Variants in DZIP1L observed in about 807,000 individuals in gnomAD.
DZIP1L encodes the protein DAZ interacting zinc finger protein 1 like.
Under a neutral mutation model 88.7 loss-of-function variants are expected in DZIP1L, and 90 were observed. The observed-to-expected ratio is 1.02, with a 90% CI of 0.86 to 1.21. The LOEUF is 1.21. DZIP1L is among the 50% of genes most tolerant of loss of function. The probability of loss-of-function intolerance (pLI) is 0.00; values close to 1 mark genes in which losing one functional copy is unlikely to be tolerated. For synonymous variants in DZIP1L, 363 were observed against 372.1 expected (o/e 0.98, Z 0.28); for missense variants, 932 against 955.8 (o/e 0.98, Z 0.33).
At chr3:138,106,127 C>CTTTTTTTTT (rs56146259) in intron 1 of DZIP1L, among the ~76,000 whole-genome samples, 21 of 64,534 alleles carry the variant, frequency 3.3e-4, no homozygotes, top group Non-Finnish European at 3.9e-4. Flanking sequence ...AGTCTTCTTT[C>CTTTTTTTTT]TTTTTTTTTT....
intron 1 of DZIP1L, among the ~76,000 whole-genome samples, chr3:138,104,635 G>A (rs559920257): frequency 5.9e-5 from 9 of 152,280 alleles, no homozygotes; most frequent in East Asian, 5.8e-4. Context: ...CAGCAATAAC[G>A]TGTGATCATA....
intron 12 of DZIP1L, among the ~76,000 whole-genome samples, chr3:138,069,558 C>T (rs1432998236): frequency 6.6e-6 from 1 of 152,290 alleles, no homozygotes. Flanking sequence ...AAGGGGAAGA[C>T]AAAGACAAGC....
chr3:138,113,190 T>C (rs946394045), intron 1 of DZIP1L, among the ~76,000 whole-genome samples: 2 of 152,168 alleles, frequency 1.3e-5, no homozygotes, highest in Admixed American at 6.5e-5. Flanking sequence ...ACCCTTGCTT[T>C]GCACACTCCC....
chr3:138,106,583 C>T (rs993156407), intron 1 of DZIP1L, among the ~76,000 whole-genome samples: 1 of 151,824 alleles, frequency 6.6e-6, no homozygotes, highest in African/African-American at 2.4e-5. Flanking sequence ...CCTGTAATCC[C>T]AGCACTCTGG....
intron 1 of DZIP1L, among the ~76,000 whole-genome samples, chr3:138,111,465 C>G (rs1015069967): frequency 6.6e-6 from 1 of 152,204 alleles, no homozygotes; most frequent in Non-Finnish European, 1.5e-5. Context: ...AGTGCCCACG[C>G]TGACTGTCAA....
intron 3 of DZIP1L, among the ~76,000 whole-genome samples, chr3:138,095,718 G>A (rs1944440633): frequency 6.6e-6 from 1 of 152,030 alleles, no homozygotes; most frequent in Non-Finnish European, 1.5e-5. Context: ...GGAGGCGGAG[G>A]TTGCAGTGAG....
intron 12 of DZIP1L, among the ~76,000 whole-genome samples, chr3:138,070,459 C>T (rs1012530858): frequency 6.6e-6 from 1 of 151,956 alleles, no homozygotes; most frequent in East Asian, 1.9e-4. Flanking sequence ...TTATAGTTTC[C>T]CAGGTCATCA....
Position 138,103,996 on chromosome 3 carries a change from C to A in DZIP1L, c.-25G>T. ...TGGGCAGAGGAAGCCCTGAGCTGAC[C>A]ACCAGAGGAGGGGGGCACCAAGGCC... On this transcript the variant is annotated 5_prime_UTR_variant, in exon 2 of 16. Coordinates refer to ENST00000327532, the MANE Select transcript of DZIP1L (RefSeq NM_173543.3). The A allele has an allele frequency of 6.3e-7, 1 of 1,590,942 alleles. No homozygotes were observed. Among genetic ancestry groups the A allele is most frequent in the South Asian group, 1.1e-5 (1 of 88,050 alleles).
intron 1 of DZIP1L, among the ~76,000 whole-genome samples, chr3:138,107,398 T>C (rs750948379): frequency 3.3e-5 from 5 of 152,220 alleles, no homozygotes; most frequent in Non-Finnish European, 7.3e-5. Context: ...CAGGAGATGA[T>C]GCAGCAGGAA....
intron 8 of DZIP1L, 176 bp from the exon 9 acceptor site, chr3:138,081,940 G>A (rs1943679994): frequency 3.9e-6 from 2 of 513,948 alleles, no homozygotes; most frequent in Non-Finnish European, 6.8e-6. Context: ...CATCTCTGGG[G>A]TCCGTGTGTG....
At chr3:138,095,604 C>A (rs1170632048) in intron 3 of DZIP1L, among the ~76,000 whole-genome samples, 1 of 152,072 alleles carries the variant, frequency 6.6e-6, no homozygotes, top group Non-Finnish European at 1.5e-5. Flanking sequence ...CATGGTGAAA[C>A]CCCGTCTCTA....
intron 5 of DZIP1L, among the ~76,000 whole-genome samples, chr3:138,090,278 T>C (rs1053533075): frequency 6.6e-6 from 1 of 152,152 alleles, no homozygotes; most frequent in African/African-American, 2.4e-5. Context: ...CCAAAACTCA[T>C]AATTTTCTGA....
intron 12 of DZIP1L, among the ~76,000 whole-genome samples, chr3:138,070,948 C>T (rs561792343): frequency 2.0e-5 from 3 of 152,186 alleles, no homozygotes; most frequent in Non-Finnish European, 4.4e-5. Flanking sequence ...ACACTTGCTC[C>T]GTAAGAACAG....
intron 8 of DZIP1L, among the ~76,000 whole-genome samples, chr3:138,083,611 G>C (rs564064637): frequency 7.9e-4 from 121 of 152,316 alleles, no homozygotes; most frequent in South Asian, 3.9e-3. Flanking sequence ...TTGTGAAAAA[G>C]GTACTGGTTA....
In DZIP1L at chr3:138,077,520, G is replaced by A. The variant is rs75242141; in HGVS notation, c.1401C>T (p.Leu467=). 5,679 of 1,614,086 alleles carry A rather than the reference G, an allele frequency of 3.5e-3. 17 individuals carry two copies. The highest frequency in any genetic ancestry group is 6.4e-3 in the Middle Eastern group (39 of 6,062). ...PILEDTLEEK[L]ESMGIRKDAK... The stretch of plus-strand genomic sequence containing the variant: ...TCACCTTCCTTATCCCCATGCTTTC[G>A]AGCTTCTCTTCCAGGGTGTCCTCCA... Residue 467 remains leucine (L), a synonymous_variant, in exon 11 of 16, where the codon CTC becomes CTT. Coordinates refer to ENST00000327532, the MANE Select transcript of DZIP1L (RefSeq NM_173543.3).
In DZIP1L at chr3:138,103,532, C is replaced by T. The variant is rs768461359; in HGVS notation, c.440G>A (p.Arg147His). The change falls in exon 2 of 16, where the codon CGC (arginine) becomes CAC (histidine). Residue 147 changes from arginine (R) to histidine (H), a missense_variant. Arg to His is a conservative substitution (Grantham distance 29, BLOSUM62 0). Coordinates refer to ENST00000327532, the MANE Select transcript of DZIP1L (RefSeq NM_173543.3). ...KGVREESRRRRKMISTLQQLL... is the reference protein window; with the variant it reads ...KGVREESRRRHKMISTLQQLL... ...CTGCTGCAGGGTGCTGATCATCTTG[C>T]GACGCCGGCGGCTCTCCTCCCGCAC... The T allele has an allele frequency of 2.1e-5, 34 of 1,610,858 alleles. 1 individual carries two copies. In the South Asian group the frequency reaches 2.3e-4, roughly 11 times the overall value.
chr3:138,064,303 G>A (rs755271192), intron 15 of DZIP1L: 15 of 1,170,204 alleles, frequency 1.3e-5, no homozygotes, highest in East Asian at 5.3e-5. Flanking sequence ...GGATGAGACC[G>A]GGCTGGAAGA....
chr3:138,110,049 G>A (rs2107871319), intron 1 of DZIP1L, among the ~76,000 whole-genome samples: 1 of 152,230 alleles, frequency 6.6e-6, no homozygotes, highest in East Asian at 1.9e-4. Flanking sequence ...AAACATGCAC[G>A]TTCTGCACAT....
chr3:138,086,889 C>T (rs537377642), intron 7 of DZIP1L, 72 bp downstream of exon 7: 11 of 1,488,492 alleles, frequency 7.4e-6, no homozygotes, highest in African/African-American at 5.6e-5. Flanking sequence ...GGTGAGGGGG[C>T]GTGGAGAATG....
Sources: allele counts gnomAD v4.1 joint callset (sites outside exome capture counted in the v4.1 genomes callset), GRCh38; gene constraint gnomAD v4.1.1; transcripts MANE v1.5; gene names NCBI Gene and HGNC (gene_info 2026-07-23, HGNC 2026-07-21).